The following CRTAC1 variants were observed in gnomAD, a reference collection of about 807,000 sequenced individuals.
CRTAC1 encodes the protein acidic secreted protein in cartilage.
CRTAC1 carries 37 observed loss-of-function variants against 67.8 expected under a neutral mutation model. The observed-to-expected ratio is 0.55, with a 90% CI of 0.42 to 0.72. The LOEUF is 0.72. CRTAC1 is among the 30% of genes least tolerant of loss of function. CRTAC1 has a pLI of 0.00. For synonymous variants in CRTAC1, 348 were observed against 371.0 expected (o/e 0.94, Z 0.71); for missense variants, 780 against 931.6 (o/e 0.84, Z 2.12).
At chr10:97,885,229 G>T (rs1041315961) in intron 11 of CRTAC1, among the ~76,000 whole-genome samples, 7 of 152,190 alleles carry the variant, frequency 4.6e-5, no homozygotes, top group African/African-American at 1.7e-4. Context: ...GCTGGGCATG[G>T]TGGCTCATGC....
At chr10:98,005,238 G>A (rs1219059341) in intron 2 of CRTAC1, among the ~76,000 whole-genome samples, 1 of 149,632 alleles carries the variant, frequency 6.7e-6, no homozygotes, top group Non-Finnish European at 1.5e-5. Flanking sequence ...CCAAGTAGAT[G>A]GGATTATAGG....
intron 2 of CRTAC1, among the ~76,000 whole-genome samples, chr10:97,983,045 G>A (rs554979712): frequency 1.3e-5 from 2 of 152,346 alleles, no homozygotes; most frequent in Admixed American, 6.5e-5. Flanking sequence ...ATATGCTAAC[G>A]TGGTGACTGA....
At chr10:97,979,942 G>A (rs1352022769) in intron 2 of CRTAC1, among the ~76,000 whole-genome samples, 1 of 152,120 alleles carries the variant, frequency 6.6e-6, no homozygotes, top group Non-Finnish European at 1.5e-5. Flanking sequence ...TCCCCAGATC[G>A]CTCAGTCAGA....
Position 97,996,167 on chromosome 10 carries a change from G to T in CRTAC1, c.224+14971C>A, listed in dbSNP as rs552731318. On this transcript the variant is annotated intron_variant, in intron 2 of 14. Transcript: ENST00000370597. ...CTAGGCATTACCATTCAGGACATAGGCATGGGCAAGGACTTCATGTCTAAA... is the reference window on the plus strand; with the variant it reads ...CTAGGCATTACCATTCAGGACATAGTCATGGGCAAGGACTTCATGTCTAAA... 2.0e-5 allele frequency among the ~76,000 whole-genome samples: 3 copies of T among 151,850 alleles called. No individual in the cohort carries two copies. In the South Asian group the frequency reaches 6.3e-4, roughly 32 times the overall value.
intron 12 of CRTAC1, among the ~76,000 whole-genome samples, 163 bp from the exon 13 acceptor site, chr10:97,882,991 T>C (rs1354110867): frequency 6.6e-6 from 1 of 152,218 alleles, no homozygotes; most frequent in Non-Finnish European, 1.5e-5. Flanking sequence ...GACCCTTCCT[T>C]TGCGCTGAGA....
At chr10:97,933,606 G>A (rs2051035192) in intron 3 of CRTAC1, among the ~76,000 whole-genome samples, 1 of 152,218 alleles carries the variant, frequency 6.6e-6, no homozygotes, top group South Asian at 2.1e-4. Flanking sequence ...ATTGGGAGAG[G>A]GGACTCAGAT....
chr10:97,865,443 G>A lies in CRTAC1; in HGVS notation c.*105C>T. Reference sequence around the variant, plus strand: ...ATGTGCATGGATGGGCTTGGGGAGGGTCTAGCTCCCAGGCCTTTACATCCC... The same window carrying A: ...ATGTGCATGGATGGGCTTGGGGAGGATCTAGCTCCCAGGCCTTTACATCCC... On this transcript the variant is annotated 3_prime_UTR_variant, in exon 15 of 15. Transcript: ENST00000370597. 7.2e-7 allele frequency: 1 copy of A among 1,394,160 alleles called. No individual in the cohort carries two copies. Among genetic ancestry groups the A allele is most frequent in the Non-Finnish European group, 9.7e-7 (1 of 1,030,438 alleles). 86.4% of individuals were successfully genotyped at this position (1,394,160 alleles called of 1,614,324 possible). A position where few individuals can be genotyped will look rare whatever the true frequency, so the allele number is the denominator to read the frequency against.
chr10:97,898,548 G>C (rs1036616053), intron 8 of CRTAC1, among the ~76,000 whole-genome samples: 1 of 152,252 alleles, frequency 6.6e-6, no homozygotes, highest in African/African-American at 2.4e-5. Context: ...CAGGGAAGTA[G>C]AAAGTGACAA....
intron 1 of CRTAC1, among the ~76,000 whole-genome samples, chr10:98,028,522 C>T (rs1254540742): frequency 6.6e-6 from 1 of 152,070 alleles, no homozygotes; most frequent in Non-Finnish European, 1.5e-5. Context: ...ATTGCACTCC[C>T]TAGAATTACA....
chr10:98,028,259 G>C (rs572178422), intron 1 of CRTAC1, among the ~76,000 whole-genome samples: 1 of 152,362 alleles, frequency 6.6e-6, no homozygotes, highest in African/African-American at 2.4e-5. Flanking sequence ...CGATGGTGGT[G>C]GTTGAAGGCT....
At chr10:97,922,009 ATGC>A (rs2050847133) in intron 4 of CRTAC1, among the ~76,000 whole-genome samples, 1 of 151,246 alleles carries the variant, frequency 6.6e-6, no homozygotes, top group African/African-American at 2.4e-5. Flanking sequence ...ATTAACCTGC[ATGC>A]CTCTCCCCCC....
chr10:97,941,314 C>T (rs76187464), intron 2 of CRTAC1, among the ~76,000 whole-genome samples: 2,455 of 152,104 alleles, frequency 0.016, 73 homozygotes, highest in African/African-American at 0.055. Flanking sequence ...ACCGTAATTC[C>T]TTCTTCCTCT....
rs750972770 is a variant in CRTAC1, at chr10:97,895,237, C to A, written c.1486+8G>T. 6.2e-7 allele frequency: 1 copy of A among 1,608,082 alleles called. No homozygotes were observed. The highest frequency in any genetic ancestry group is 8.5e-7 in the Non-Finnish European group (1 of 1,179,784). On this transcript the variant is annotated splice_region_variant and intron_variant, in intron 11 of 14. Transcript: ENST00000370597. This position sits in a 1 kb window ranked among gnomAD's most constrained non-coding sequence, Gnocchi z 4.2. ...CAGCTCACTGTCCCCCACCGGACCC[C>A]GACTCACCCAGGCCAAAGTGTGCCA...
rs1440441587 is a variant in CRTAC1 at position 97,905,167 on chromosome 10, ATTAAGCTGATCATGCCACTCTTTTGC to A, written c.851-379_851-354del. Among the ~76,000 whole-genome samples, 23 of 152,290 alleles carry A rather than the reference ATTAAGCTGATCATGCCACTCTTTTGC, an allele frequency of 1.5e-4. 1 individual carries two copies. Among genetic ancestry groups the A allele is most frequent in the Middle Eastern group, 6.8e-3 (2 of 294 alleles). ...ACCCCTAACACTGCCACTGGAAGAC[ATTAAGCTGATCATGCCACTCTTTTGC>A]TTAAGCTGATCATGCCCTCCAATCC... On this transcript the variant is annotated intron_variant, in intron 6 of 14. Coordinates refer to ENST00000370597, the MANE Select transcript of CRTAC1 (RefSeq NM_018058.7).
Position 98,011,213 on chromosome 10 carries a change from T to C in CRTAC1, c.149A>G (p.Asn50Ser). The C allele has an allele frequency of 6.2e-7, 1 of 1,614,198 alleles. No homozygotes were observed. The highest frequency in any genetic ancestry group is 8.5e-7 in the Non-Finnish European group (1 of 1,180,034). Residue 50 changes from asparagine to serine, a missense_variant, in exon 2 of 15, where the codon AAT becomes AGT. Transcript: ENST00000370597. ...NSVLPPDYDS[N>S]PTQLNYGVAV... ...CACACCATAGTTGAGCTGGGTGGGA[T>C]TACTGTCATAGTCAGGAGGCAGAAC...
chr10:97,888,232 T>C (rs2050314900), intron 11 of CRTAC1, among the ~76,000 whole-genome samples: 1 of 152,122 alleles, frequency 6.6e-6, no homozygotes, highest in Non-Finnish European at 1.5e-5. Context: ...TGAATACAAG[T>C]GATTATATTA....
intron 2 of CRTAC1, among the ~76,000 whole-genome samples, chr10:97,991,099 CA>C (rs757267901): frequency 1.9e-3 from 34 of 17,976 alleles, no homozygotes; most frequent in East Asian, 0.01. Context: ...ACCATCTCTA[CA>C]AAAAAAAAAA....
intron 2 of CRTAC1, among the ~76,000 whole-genome samples, chr10:97,946,111 T>G (rs1425078348): frequency 6.6e-6 from 1 of 152,184 alleles, no homozygotes; most frequent in East Asian, 1.9e-4. Context: ...CATTTCTCAA[T>G]GCATGTTTCT....
chr10:97,872,546 G>C (rs1315427615), intron 14 of CRTAC1, among the ~76,000 whole-genome samples: 2 of 152,174 alleles, frequency 1.3e-5, no homozygotes, highest in Non-Finnish European at 2.9e-5. Context: ...AAATCCTTCT[G>C]GTGCTGAATT....
Sources: gnomAD v4.1 joint callset for allele counts (sites outside exome capture counted in the v4.1 genomes callset) on GRCh38, gnomAD v4.1.1 for gene constraint, Gnocchi (gnomAD v3.1) non-coding constraint, MANE v1.5 for transcripts, NCBI Gene and HGNC (gene_info 2026-07-23, HGNC 2026-07-21) for gene names.